The following PRKCE variants were observed in gnomAD, a reference collection of about 807,000 sequenced individuals.
The protein encoded by PRKCE is protein kinase C epsilon, also known as protein kinase C epsilon type.
Under a neutral mutation model 85.4 loss-of-function variants are expected in PRKCE, and 16 were observed. The observed-to-expected ratio is 0.19, with a 90% CI of 0.13 to 0.28. The LOEUF (loss-of-function observed/expected upper bound fraction) is 0.28, where lower values mean the gene tolerates loss of function less well. Ranked by LOEUF, PRKCE falls within the 10% of genes least tolerant of loss-of-function variation. PRKCE has a pLI of 1.00. For missense variants in PRKCE, 573 were observed against 975.2 expected (o/e 0.59, Z 5.49); for synonymous variants, 388 against 371.5 (o/e 1.04, Z -0.51).
chr2:46,172,526 G>A (rs1277767868), intron 14 of PRKCE, among the ~76,000 whole-genome samples: 1 of 152,224 alleles, frequency 6.6e-6, no homozygotes, highest in East Asian at 1.9e-4. Context: ...AGGGTTTGAG[G>A]AGCAGGAATA....
chr2:45,971,299 G>A (rs1420277519), intron 2 of PRKCE, among the ~76,000 whole-genome samples: 1 of 152,146 alleles, frequency 6.6e-6, no homozygotes, highest in Non-Finnish European at 1.5e-5. Context: ...GTTTCACTTA[G>A]CCAATATCCT....
intron 2 of PRKCE, among the ~76,000 whole-genome samples, chr2:45,962,063 T>C (rs1381380226): frequency 6.6e-6 from 1 of 152,238 alleles, no homozygotes; most frequent in Non-Finnish European, 1.5e-5. Context: ...TCCCAGGTAC[T>C]GCTTAAACCA....
intron 1 of PRKCE, among the ~76,000 whole-genome samples, chr2:45,729,858 A>G (rs1299011414): frequency 3.3e-5 from 5 of 152,222 alleles, no homozygotes; most frequent in African/African-American, 1.2e-4. Flanking sequence ...AGATCTGTCA[A>G]TGGCTCAAAG....
intron 2 of PRKCE, among the ~76,000 whole-genome samples, chr2:45,918,191 G>T (rs1397391960): frequency 6.6e-6 from 1 of 152,196 alleles, no homozygotes; most frequent in Non-Finnish European, 1.5e-5. Context: ...AGGAGGCACC[G>T]AGAGCGAGCG....
At chr2:45,965,795 T>C (rs1288468582) in intron 2 of PRKCE, among the ~76,000 whole-genome samples, 1 of 152,224 alleles carries the variant, frequency 6.6e-6, no homozygotes, top group African/African-American at 2.4e-5. Context: ...ATTCTTTTTT[T>C]CTCATTTTAT....
At chr2:45,977,785 T>C (rs1397036828) in intron 3 of PRKCE, among the ~76,000 whole-genome samples, 2 of 152,200 alleles carry the variant, frequency 1.3e-5, no homozygotes, top group African/African-American at 4.8e-5. Context: ...GAAGTATGAT[T>C]CTACCCCTAG....
intron 2 of PRKCE, among the ~76,000 whole-genome samples, chr2:45,967,910 C>G (rs1475974005): frequency 1.3e-5 from 2 of 152,118 alleles, no homozygotes; most frequent in Admixed American, 1.3e-4. Flanking sequence ...TTCAACCATA[C>G]TGGCAGAAAG....
intron 1 of PRKCE, among the ~76,000 whole-genome samples, chr2:45,765,845 C>T (rs1684869979): frequency 6.6e-6 from 1 of 152,186 alleles, no homozygotes; most frequent in Admixed American, 6.5e-5. Flanking sequence ...AAGGGGATTT[C>T]CCTTTCTTCC....
intron 10 of PRKCE, among the ~76,000 whole-genome samples, chr2:46,070,221 A>AGACTTT (rs1185625925): frequency 6.6e-6 from 1 of 152,354 alleles, no homozygotes; most frequent in Non-Finnish European, 1.5e-5. Flanking sequence ...GAGGTAGCAG[A>AGACTTT]GACTTTGTGT....
intron 11 of PRKCE, among the ~76,000 whole-genome samples, chr2:46,127,787 G>C (rs755473312): frequency 1.3e-5 from 2 of 152,222 alleles, no homozygotes; most frequent in Non-Finnish European, 2.9e-5. Context: ...CATGGATAAA[G>C]AATTTGCTGG....
chr2:46,100,362 C>T (rs1671088523), intron 11 of PRKCE, among the ~76,000 whole-genome samples: 1 of 151,854 alleles, frequency 6.6e-6, no homozygotes. Flanking sequence ...AAAGTCCTCC[C>T]TCTTAACCAA....
chr2:45,737,113 G>C (rs971914249), intron 1 of PRKCE, among the ~76,000 whole-genome samples: 6 of 152,184 alleles, frequency 3.9e-5, no homozygotes, highest in Non-Finnish European at 7.3e-5. Flanking sequence ...TGGGGTTGGG[G>C]GCTGGACGAC....
intron 14 of PRKCE, chr2:46,167,773 T>C (rs1678486481): frequency 7.4e-6 from 1 of 135,350 alleles, no homozygotes; most frequent in Non-Finnish European, 1.6e-5. Flanking sequence ...CTGCTTTTAC[T>C]CTGTGACCAT....
At position 45,920,583 on chromosome 2, in the gene PRKCE, A is replaced by C. The variant is rs115846172; in HGVS notation, c.413-55846A>C. On this transcript the variant is annotated intron_variant, in intron 2 of 14. Coordinates refer to ENST00000306156, the MANE Select transcript of PRKCE (RefSeq NM_005400.3). ...CCATAAAAAGGAATGAAGCACTGAC[A>C]TGGATGACCCTTGATGATATTAAGC... Among the ~76,000 whole-genome samples the C allele has an allele frequency of 2.6e-5, 4 of 152,268 alleles. No individual in the cohort carries two copies. In the East Asian group the frequency reaches 7.7e-4, roughly 29 times the overall value.
intron 10 of PRKCE, among the ~76,000 whole-genome samples, chr2:46,045,524 G>A (rs1467587698): frequency 6.6e-6 from 1 of 152,212 alleles, no homozygotes; most frequent in Non-Finnish European, 1.5e-5. Context: ...GGATCTGCAT[G>A]TTGTTTTGTT....
intron 1 of PRKCE, among the ~76,000 whole-genome samples, chr2:45,767,322 C>T (rs1373237836): frequency 6.6e-6 from 1 of 152,198 alleles, no homozygotes; most frequent in Non-Finnish European, 1.5e-5. Context: ...AGCAATGGCT[C>T]CTTTTAACCA....
Position 45,726,717 on chromosome 2 carries a change from C to T in PRKCE, c.348+74269C>T, listed in dbSNP as rs144501701. On this transcript the variant is annotated intron_variant, in intron 1 of 14. Transcript: ENST00000306156. ...CTTTTGATTCTCAGGATACATTCTT[C>T]TAAAAAATATTGCTGATTTAAGGGG... 1.6e-3 allele frequency among the ~76,000 whole-genome samples: 242 copies of T among 152,274 alleles called. 1 individual carries two copies. The highest frequency in any genetic ancestry group is 5.7e-3 in the African/African-American group (238 of 41,546).
rs1684072929 is a variant in PRKCE at position 45,757,174 on chromosome 2, G to C, written c.349-85826G>C. On this transcript the variant is annotated intron_variant, in intron 1 of 14. Coordinates refer to ENST00000306156, the MANE Select transcript of PRKCE (RefSeq NM_005400.3). ...TTTAGAGACACCTATAGAGACAGGTGGTGCATGCCTGTAATCCCAGCGACT... is the reference window on the plus strand; with the variant it reads ...TTTAGAGACACCTATAGAGACAGGTCGTGCATGCCTGTAATCCCAGCGACT... 3.3e-5 allele frequency among the ~76,000 whole-genome samples: 5 copies of C among 152,094 alleles called. No homozygotes were observed. In the South Asian group the frequency reaches 1.0e-3, roughly 32 times the overall value.
At chr2:45,978,948 T>C (rs745819709) in intron 3 of PRKCE, 28 bp from the exon 4 acceptor site, 230 of 1,596,936 alleles carry the variant, frequency 1.4e-4, no homozygotes, top group Non-Finnish European at 1.9e-4. Context: ...TTTCACTTTT[T>C]TTAAAAAAAT....
Sources: allele counts gnomAD v4.1 joint callset (sites outside exome capture counted in the v4.1 genomes callset), GRCh38; gene constraint gnomAD v4.1.1; transcripts MANE v1.5; gene names NCBI Gene and HGNC (gene_info 2026-07-23, HGNC 2026-07-21).